Variants in SGCZ observed in about 807,000 individuals in gnomAD.
SGCZ encodes sarcoglycan zeta.
SGCZ carries 40 observed loss-of-function variants against 41.3 expected under a neutral mutation model. The ratio of observed to expected loss-of-function variants is 0.97; its 90% CI spans 0.75 to 1.26. SGCZ has a LOEUF of 1.26. Among genes scored for constraint, SGCZ ranks in the 50% most tolerant of loss-of-function variants. The pLI, the probability that SGCZ is intolerant of heterozygous loss-of-function variation, is 0.00. For synonymous variants in SGCZ, 206 were observed against 137.5 expected (o/e 1.50, Z -3.49); for missense variants, 552 against 369.8 (o/e 1.49, Z -4.04).
intron 4 of SGCZ, among the ~76,000 whole-genome samples, chr8:14,186,604 G>C (rs1259132734): frequency 6.6e-6 from 1 of 152,158 alleles, no homozygotes; most frequent in Non-Finnish European, 1.5e-5. Context: ...TTTACTGAGA[G>C]AGAAACTTAC....
At chr8:14,141,467 C>T (rs1803367179) in intron 5 of SGCZ, among the ~76,000 whole-genome samples, 1 of 151,964 alleles carries the variant, frequency 6.6e-6, no homozygotes, top group African/African-American at 2.4e-5. Context: ...AAACAAATTA[C>T]AGGAAAAATC....
chr8:14,410,969 T>G (rs541849670), intron 2 of SGCZ, among the ~76,000 whole-genome samples: 2 of 152,198 alleles, frequency 1.3e-5, no homozygotes, highest in East Asian at 1.9e-4. Flanking sequence ...TTTAAAAAAA[T>G]TTCAATAGCA....
At chr8:14,413,005 GAC>G (rs1554514559) in intron 2 of SGCZ, among the ~76,000 whole-genome samples, 1 of 151,722 alleles carries the variant, frequency 6.6e-6, no homozygotes. Context: ...TGTTATAAAG[GAC>G]AACAGTTAGA....
intron 1 of SGCZ, among the ~76,000 whole-genome samples, chr8:14,663,062 C>T (rs113465373): frequency 1.5e-3 from 228 of 152,198 alleles, no homozygotes; most frequent in African/African-American, 5.2e-3. Flanking sequence ...GCAGTTCTGC[C>T]AACAACTTGA....
chr8:14,872,703 G>A (rs1177935638), intron 1 of SGCZ, among the ~76,000 whole-genome samples: 6 of 152,054 alleles, frequency 3.9e-5, no homozygotes, highest in Admixed American at 6.6e-5. Context: ...AAACTAACTT[G>A]TCTTTCTTGG....
At chr8:14,548,463 C>T (rs187961057) in intron 2 of SGCZ, among the ~76,000 whole-genome samples, 26 of 152,070 alleles carry the variant, frequency 1.7e-4, no homozygotes, top group Middle Eastern at 3.4e-3. Flanking sequence ...AAAAAACATC[C>T]TGATTTAGTT....
At chr8:15,204,938 G>T (rs1045604591) in intron 1 of SGCZ, among the ~76,000 whole-genome samples, 11 of 152,122 alleles carry the variant, frequency 7.2e-5, no homozygotes, top group Admixed American at 5.9e-4. Context: ...CTGAATGAAT[G>T]AACTTGGCCC....
At chr8:14,425,010 G>C (rs13258084) in intron 2 of SGCZ, among the ~76,000 whole-genome samples, 1 of 151,932 alleles carries the variant, frequency 6.6e-6, no homozygotes, top group Non-Finnish European at 1.5e-5. Flanking sequence ...TCATGACTTC[G>C]TTATTGAGCT....
At chr8:15,019,197 G>C (rs969320722) in intron 1 of SGCZ, among the ~76,000 whole-genome samples, 2 of 152,210 alleles carry the variant, frequency 1.3e-5, no homozygotes, top group Non-Finnish European at 2.9e-5. Flanking sequence ...TGATGTGATG[G>C]ACTGGACTGA....
intron 1 of SGCZ, among the ~76,000 whole-genome samples, chr8:14,947,159 T>C (rs1800479210): frequency 6.6e-6 from 1 of 152,146 alleles, no homozygotes; most frequent in Non-Finnish European, 1.5e-5. Context: ...CAAGTGATAG[T>C]GTGATTGTCT....
chr8:14,989,763 A>G (rs527991694), intron 1 of SGCZ, among the ~76,000 whole-genome samples: 4 of 152,332 alleles, frequency 2.6e-5, no homozygotes, highest in African/African-American at 9.6e-5. Context: ...GAGATCGAAA[A>G]TAAGAGAAAT....
chr8:14,359,624 G>A (rs1303683062), intron 2 of SGCZ, among the ~76,000 whole-genome samples: 1 of 151,918 alleles, frequency 6.6e-6, no homozygotes, highest in Non-Finnish European at 1.5e-5. Flanking sequence ...ACACTCCTGA[G>A]ATTAAGGCTG....
At chr8:14,847,173 A>AGAAGAAGAG (rs1803157289) in intron 1 of SGCZ, among the ~76,000 whole-genome samples, 1 of 145,758 alleles carries the variant, frequency 6.9e-6, no homozygotes, top group African/African-American at 2.6e-5. Flanking sequence ...AAGAAGAAGA[A>AGAAGAAGAG]GAAGAAGAAG....
chr8:15,213,489 T>C (rs1313064529), intron 1 of SGCZ, among the ~76,000 whole-genome samples: 1 of 151,552 alleles, frequency 6.6e-6, no homozygotes, highest in African/African-American at 2.4e-5. Context: ...ATAGGCTTTT[T>C]AGTATCAATA....
intron 2 of SGCZ, among the ~76,000 whole-genome samples, chr8:14,420,229 T>G (rs1451659122): frequency 6.6e-6 from 1 of 152,106 alleles, no homozygotes; most frequent in Non-Finnish European, 1.5e-5. Flanking sequence ...CATTTTTGTT[T>G]GTTTTAATGA....
chr8:14,495,015 A>G (rs1801950255), intron 2 of SGCZ, among the ~76,000 whole-genome samples: 1 of 152,128 alleles, frequency 6.6e-6, no homozygotes, highest in Admixed American at 6.6e-5. Flanking sequence ...TGTGTTTGCC[A>G]TAGGTTTCTG....
Position 15,235,080 on chromosome 8 carries a change from C to T in SGCZ, c.39+2505G>A, listed in dbSNP as rs191137054. ...ATAATGCCAAAAACAAGTATCCTAG[C>T]TTTTTTCTTCCCTCTCTCCACTGAT... On this transcript the variant is annotated intron_variant, in intron 1 of 7. Coordinates refer to ENST00000382080, the MANE Select transcript of SGCZ (RefSeq NM_139167.4). Among the ~76,000 whole-genome samples the T allele has an allele frequency of 1.3e-3, 205 of 152,152 alleles. 2 individuals carry two copies. In the East Asian group the frequency reaches 0.024, roughly 18 times the overall value.
intron 1 of SGCZ, chr8:14,879,797 G>T (rs766139258): frequency 6.8e-6 from 1 of 147,170 alleles, no homozygotes; most frequent in Non-Finnish European, 1.5e-5. Context: ...CTGTATTGTA[G>T]ATTAAAAAAA....
At chr8:14,340,105 T>C (rs1802650912) in intron 2 of SGCZ, among the ~76,000 whole-genome samples, 1 of 152,136 alleles carries the variant, frequency 6.6e-6, no homozygotes, top group Admixed American at 6.6e-5. Flanking sequence ...GTCAATTACA[T>C]TTCCCTTTTA....
Sources: gnomAD v4.1 joint callset for allele counts (sites outside exome capture counted in the v4.1 genomes callset) on GRCh38, gnomAD v4.1.1 for gene constraint, MANE v1.5 for transcripts, NCBI Gene and HGNC (gene_info 2026-07-23, HGNC 2026-07-21) for gene names.